AR: variants seen among roughly 807,000 people sequenced by gnomAD.
The protein encoded by AR is androgen receptor, also known as dihydrotestosterone receptor.
Under a neutral mutation model 53.9 loss-of-function variants are expected in AR, and 8 were observed. The ratio of observed to expected loss-of-function variants is 0.15; its 90% CI spans 0.09 to 0.27. The LOEUF (loss-of-function observed/expected upper bound fraction) is 0.27, where lower values mean the gene tolerates loss of function less well. Ranked by LOEUF, AR falls within the 10% of genes least tolerant of loss-of-function variation. The pLI is 1.00. For missense variants in AR, 639 were observed against 742.5 expected, an observed-to-expected ratio of 0.86 and a Z score of 1.62; for synonymous variants, 359 against 316.4, an observed-to-expected ratio of 1.13 and a Z score of -1.43.
In AR at chrX:67,606,530, T is replaced by C. The variant is rs185325760; in HGVS notation, c.1617-36726T>C. ...ATTATCAACTGTAGTCACCATGTTG[T>C]GCAGATCTCAAAAACTTCTAACAAA... is the stretch of plus-strand genomic sequence containing the variant. On this transcript the variant is annotated intron_variant, in intron 1 of 7. Transcript: ENST00000374690. Among the ~76,000 whole-genome samples the C allele has an allele frequency of 8.0e-5, 9 of 112,047 alleles. No homozygotes were observed. The Admixed American group carries it at 8.5e-4, about 11-fold the overall frequency.
chrX:67,690,362 G>A (rs145759180), intron 3 of AR, among the ~76,000 whole-genome samples: 38 of 111,772 alleles, frequency 3.4e-4, no homozygotes, highest in Non-Finnish European at 4.0e-4. Flanking sequence ...CGTTATGGAC[G>A]CTATGAACAT....
At chrX:67,657,746 G>T (rs1926658422) in intron 2 of AR, among the ~76,000 whole-genome samples, 1 of 111,372 alleles carries the variant, frequency 9.0e-6, no homozygotes, top group Admixed American at 9.6e-5. Flanking sequence ...TTTCCTTTAG[G>T]TCTGGCCCTC....
rs772972298 is a variant in AR at position 67,729,236 on chromosome X, G to T, written c.*5395G>T. 1.3e-4 allele frequency: 23 copies of T among 174,273 alleles called. No homozygotes were observed. The highest frequency in any genetic ancestry group is 6.3e-4 in the Admixed American group (8 of 12,737). 14.4% of individuals were successfully genotyped at this position (174,273 alleles called of 1,213,427 possible). On this transcript the variant is annotated 3_prime_UTR_variant, in exon 8 of 8. Transcript: ENST00000374690. ...AAAACTTGTCAGAGTACTAGAAGTT[G>T]TATCTCTGTAGGTGCAGGTCCATTT...
chrX:67,659,216 C>A (rs936195966), intron 2 of AR, among the ~76,000 whole-genome samples: 3 of 110,294 alleles, frequency 2.7e-5, no homozygotes, highest in Admixed American at 9.6e-5. Context: ...GACTCAATTT[C>A]TCTTACTTTT....
intron 2 of AR, among the ~76,000 whole-genome samples, chrX:67,675,138 T>C (rs1340476932): frequency 1.8e-5 from 2 of 109,550 alleles, no homozygotes; most frequent in African/African-American, 6.7e-5. Context: ...CCTGGTGCCC[T>C]GTTCTACTGT....
chrX:67,699,441 C>G (rs2076033738), intron 3 of AR, among the ~76,000 whole-genome samples: 2 of 112,164 alleles, frequency 1.8e-5, no homozygotes, highest in Admixed American at 1.9e-4. Context: ...CCAACGCCTT[C>G]AAAGCCAACA....
At chrX:67,694,596 C>A in intron 3 of AR, 1 of 1,139,331 alleles carries the variant, frequency 8.8e-7, no homozygotes, top group Non-Finnish European at 1.2e-6. Context: ...CTGTCTTAGG[C>A]ATCTGATTAT....
intron 1 of AR, among the ~76,000 whole-genome samples, chrX:67,621,184 A>G (rs980478493): frequency 9.0e-6 from 1 of 111,496 alleles, no homozygotes; most frequent in Non-Finnish European, 1.9e-5. Context: ...GCCTCTGAAT[A>G]ACTGTTTCTC....
chrX:67,679,237 G>A (rs1436088075), intron 2 of AR, among the ~76,000 whole-genome samples: 2 of 111,270 alleles, frequency 1.8e-5, no homozygotes, highest in Admixed American at 9.6e-5. Flanking sequence ...AAGTATTAAA[G>A]TGATATGTAA....
chrX:67,623,818 C>T (rs751867478), intron 1 of AR, among the ~76,000 whole-genome samples: 1 of 111,212 alleles, frequency 9.0e-6, no homozygotes, highest in South Asian at 3.8e-4. Flanking sequence ...CACTACCTAC[C>T]TTAAAAAGAA....
chrX:67,582,878 C>A (rs996891971), intron 1 of AR, among the ~76,000 whole-genome samples: 1 of 111,586 alleles, frequency 9.0e-6, no homozygotes, highest in African/African-American at 3.3e-5. Context: ...TATAAGATTT[C>A]AATATTAAAA....
chrX:67,675,242 G>T (rs1429638303), intron 2 of AR, among the ~76,000 whole-genome samples: 2 of 108,142 alleles, frequency 1.8e-5, no homozygotes, highest in East Asian at 6.0e-4. Context: ...CTGGAGTTGG[G>T]AGCTGCATTG....
At position 67,546,263 on chromosome X, in the gene AR, G is replaced by C. The variant is rs781297287; in HGVS notation, c.1117G>C (p.Gly373Arg). 2 of 1,205,997 alleles carry C rather than the reference G, an allele frequency of 1.7e-6. No individual in the cohort carries two copies. The highest frequency in any genetic ancestry group is 1.8e-5 in the South Asian group (1 of 56,146). ...DYYNFPLALA[G>R]PPPPPPPPHP... ...CTACAACTTTCCACTGGCTCTGGCC[G>C]GACCGCCGCCCCCTCCGCCGCCTCC... Residue 373 changes from glycine to arginine, a missense_variant, in exon 1 of 8, where the codon GGA becomes CGA. By Grantham distance (125) the Gly-to-Arg change is moderately radical. Transcript: ENST00000374690.
At chrX:67,698,333 C>T (rs755275597) in intron 3 of AR, among the ~76,000 whole-genome samples, 15 of 112,377 alleles carry the variant, frequency 1.3e-4, no homozygotes, top group East Asian at 2.8e-4. Context: ...AGCCAGAGGC[C>T]ACAAACTGGC....
chrX:67,545,611 G>T lies in AR; in HGVS notation c.465G>T (p.Glu155Asp). ...AGCAGCTGCCAGCACCTCCGGACGAGGATGACTCAGCTGCCCCATCCACGT... is the reference window on the plus strand; with the variant it reads ...AGCAGCTGCCAGCACCTCCGGACGATGATGACTCAGCTGCCCCATCCACGT... ...LPQQLPAPPD[E>D]DDSAAPSTLS... The change falls in exon 1 of 8, where the codon GAG (glutamate) becomes GAT (aspartate). Residue 155 changes from glutamate (E) to aspartate (D), a missense_variant. Transcript: ENST00000374690. The T allele has an allele frequency of 8.4e-7, 1 of 1,189,537 alleles. No homozygotes were observed. The highest frequency in any genetic ancestry group is 2.3e-5 in the Admixed American group (1 of 42,682).
chrX:67,561,928 G>GTT (rs757161392), intron 1 of AR, among the ~76,000 whole-genome samples: 32 of 78,276 alleles, frequency 4.1e-4, no homozygotes, highest in Non-Finnish European at 5.6e-4. Context: ...AACGAAAGAG[G>GTT]TTTTTTTTTT....
intron 2 of AR, among the ~76,000 whole-genome samples, chrX:67,661,052 C>T (rs957817082): frequency 2.7e-5 from 3 of 111,742 alleles, no homozygotes; most frequent in Admixed American, 9.5e-5. Context: ...GTGATTTTTG[C>T]ACATTGATTT....
In AR at chrX:67,723,869, C is replaced by G. The variant is rs202188462; in HGVS notation, c.*28C>G. The G allele has an allele frequency of 5.3e-5, 64 of 1,202,820 alleles. No homozygotes were observed. The highest frequency in any genetic ancestry group is 3.0e-4 in the Middle Eastern group (1 of 3,308). ...CATTGGAAACCCTATTTCCCCACCC[C>G]AGCTCATGCCCCCTTTCAGATGTCT... On this transcript the variant is annotated 3_prime_UTR_variant, in exon 8 of 8. Transcript: ENST00000374690.
chrX:67,615,749 G>A (rs1174693764), intron 1 of AR, among the ~76,000 whole-genome samples: 3 of 111,503 alleles, frequency 2.7e-5, no homozygotes, highest in South Asian at 3.7e-4. Flanking sequence ...GTAAAAGAGG[G>A]GAGTGGGAAT....
Sources: allele counts gnomAD v4.1 joint callset (sites outside exome capture counted in the v4.1 genomes callset), GRCh38; gene constraint gnomAD v4.1.1; transcripts MANE v1.5; gene names NCBI Gene and HGNC (gene_info 2026-07-23, HGNC 2026-07-21).